The following C8orf89 variants were observed in gnomAD, a reference collection of about 807,000 sequenced individuals.
C8orf89 encodes the protein putative uncharacterized protein C8orf89.
C8orf89 carries 14 observed loss-of-function variants against 15.8 expected under a neutral mutation model. That is an observed-to-expected ratio of 0.89 (90% confidence interval 0.59 to 1.39). The LOEUF is 1.39. C8orf89 is among the 40% of genes most tolerant of loss of function. The probability of loss-of-function intolerance (pLI) is 0.00; values close to 1 mark genes in which losing one functional copy is unlikely to be tolerated. For synonymous variants in C8orf89, 55 were observed against 62.2 expected, an observed-to-expected ratio of 0.88 and a Z score of 0.54; for missense variants, 181 against 184.5, an observed-to-expected ratio of 0.98 and a Z score of 0.11.
intron 3 of C8orf89, among the ~76,000 whole-genome samples, chr8:73,247,802 T>A (rs1228195836): frequency 6.6e-6 from 1 of 152,216 alleles, no homozygotes; most frequent in Non-Finnish European, 1.5e-5. Context: ...ATTTTTTTCT[T>A]GTAAATTGTT....
upstream of C8orf89, among the ~76,000 whole-genome samples, chr8:73,260,269 G>C (rs1044677584): frequency 1.3e-5 from 2 of 151,814 alleles, no homozygotes; most frequent in Non-Finnish European, 2.9e-5. Context: ...CTCTGATCTC[G>C]GCAAACTATC....
At chr8:73,253,603 T>A (rs1282296927) in intron 2 of C8orf89, among the ~76,000 whole-genome samples, 2 of 151,726 alleles carry the variant, frequency 1.3e-5, no homozygotes, top group Non-Finnish European at 2.9e-5. Flanking sequence ...GTATCCTCTT[T>A]TATTTCCTTG....
chr8:73,259,261 G>T (rs1439239701), intron 1 of C8orf89, 71 bp downstream of exon 1: 1 of 1,055,184 alleles, frequency 9.5e-7, no homozygotes, highest in East Asian at 2.9e-5. Context: ...CTTGCCTGAT[G>T]AAAAAAATAC....
chr8:73,263,696 T>C (rs1399698786), upstream of C8orf89, among the ~76,000 whole-genome samples: 3 of 152,216 alleles, frequency 2.0e-5, no homozygotes, highest in South Asian at 6.2e-4. Flanking sequence ...GATGTAATAC[T>C]GAACCCAAGG....
chr8:73,263,962 T>A (rs775000181), upstream of C8orf89, among the ~76,000 whole-genome samples: 1 of 152,204 alleles, frequency 6.6e-6, no homozygotes, highest in Non-Finnish European at 1.5e-5. Flanking sequence ...CATCACTTTG[T>A]CATATTTGTG....
At chr8:73,265,584 G>A in the C8orf89 span, among the ~76,000 whole-genome samples, 1 of 152,190 alleles carries the variant, frequency 6.6e-6, no homozygotes, top group African/African-American at 2.4e-5. Context: ...TGACACAGAG[G>A]TATCAAAAGA....
chr8:73,241,902 C>T (rs1322383979), intron 3 of C8orf89, among the ~76,000 whole-genome samples: 4 of 151,820 alleles, frequency 2.6e-5, no homozygotes, highest in Non-Finnish European at 5.9e-5. Flanking sequence ...ATAAATGGTG[C>T]TGGGAAAACT....
intron 3 of C8orf89, among the ~76,000 whole-genome samples, chr8:73,247,737 T>C (rs1471774520): frequency 6.6e-6 from 1 of 152,206 alleles, no homozygotes; most frequent in Admixed American, 6.5e-5. Flanking sequence ...GCTGCATGTA[T>C]GTCTTCTTTT....
the C8orf89 span, among the ~76,000 whole-genome samples, chr8:73,280,237 T>G: frequency 1.3e-5 from 2 of 152,214 alleles, no homozygotes; most frequent in African/African-American, 2.4e-5. Flanking sequence ...TAGCCACATT[T>G]CCATAAATTA....
intron 2 of C8orf89, among the ~76,000 whole-genome samples, chr8:73,250,967 T>TA (rs201900280): frequency 1.3e-4 from 19 of 146,972 alleles, no homozygotes; most frequent in South Asian, 4.3e-4. Flanking sequence ...CAAGGCTAAT[T>TA]AAAAAAAAAA....
In C8orf89 at chr8:73,259,322, AT is replaced by A; in HGVS notation, c.127+9del. The A allele has an allele frequency of 1.4e-6, 2 of 1,472,384 alleles. No individual in the cohort carries two copies. Among genetic ancestry groups the A allele is most frequent in the Non-Finnish European group, 1.8e-6 (2 of 1,100,838 alleles). 91.2% of individuals were successfully genotyped at this position (1,472,384 alleles called of 1,614,324 possible). The stretch of plus-strand genomic sequence containing the variant: ...TGTTTTCTTAAGGAAAATAATAACA[AT>A]AAAGTTACCTTTCTTAATCTTTTGT... On this transcript the variant is annotated intron_variant, in intron 1 of 3. Transcript: ENST00000624510.
Position 73,241,500 on chromosome 8 carries a change from G to C in C8orf89, c.443C>G (p.Thr148Arg), listed in dbSNP as rs1281330770. The part of the protein sequence containing the change: ...EYDTIRQETT[T>R]KSKKSKKRDL... The stretch of plus-strand genomic sequence containing the variant: ...TCGTTTCTTGCTTTTTTTTGATTTT[G>C]TGGTTGTTTCCTGACGAATGGTATC... The change falls in exon 4 of 4, where the codon ACA becomes AGA. Residue 148 changes from threonine (T) to arginine (R), a missense_variant. Thr to Arg is a moderately conservative substitution (Grantham distance 71). Transcript: ENST00000624510. The C allele has an allele frequency of 6.5e-7, 1 of 1,528,502 alleles. No homozygotes were observed. Among genetic ancestry groups the C allele is most frequent in the East Asian group, 2.5e-5 (1 of 40,762 alleles). 94.7% of individuals were successfully genotyped at this position (1,528,502 alleles called of 1,614,324 possible). A position where few individuals can be genotyped will look rare whatever the true frequency, so the allele number is the denominator to read the frequency against.
chr8:73,264,559 C>G, the C8orf89 span, among the ~76,000 whole-genome samples: 1 of 152,154 alleles, frequency 6.6e-6, no homozygotes, highest in African/African-American at 2.4e-5. Context: ...GGCGCGATCT[C>G]GGCTCACTAC....
intron 3 of C8orf89, among the ~76,000 whole-genome samples, chr8:73,245,301 AAAC>A (rs1465114868): frequency 6.6e-6 from 1 of 152,254 alleles, no homozygotes; most frequent in African/African-American, 2.4e-5. Context: ...ATCAGTCAAA[AAAC>A]AAATCATAAT....
the C8orf89 span, among the ~76,000 whole-genome samples, chr8:73,280,441 G>C: frequency 6.6e-6 from 1 of 152,138 alleles, no homozygotes; most frequent in African/African-American, 2.4e-5. Context: ...CACGATCTCA[G>C]CTCACTGCAA....
At chr8:73,260,593 G>C (rs1351224890), upstream of C8orf89, among the ~76,000 whole-genome samples, 1 of 152,176 alleles carries the variant, frequency 6.6e-6, no homozygotes, top group Non-Finnish European at 1.5e-5. Flanking sequence ...ATGATGGGGG[G>C]CAAAAAATAA....
At chr8:73,262,480 T>C (rs1223287298), upstream of C8orf89, among the ~76,000 whole-genome samples, 2 of 152,088 alleles carry the variant, frequency 1.3e-5, no homozygotes, top group African/African-American at 4.8e-5. Context: ...TCCTTATGCT[T>C]TTGTGTGTAT....
chr8:73,284,178 G>C, the C8orf89 span, among the ~76,000 whole-genome samples: 6 of 144,726 alleles, frequency 4.1e-5, no homozygotes, highest in Non-Finnish European at 9.1e-5. Flanking sequence ...GCAGACCTAA[G>C]TAAACTGATA....
At chr8:73,254,007 G>T (rs1307276499) in intron 2 of C8orf89, among the ~76,000 whole-genome samples, 3 of 151,810 alleles carry the variant, frequency 2.0e-5, no homozygotes, top group South Asian at 2.1e-4. Flanking sequence ...CCCTGTCTTG[G>T]GCCAGTTTTC....
Sources: allele counts gnomAD v4.1 joint callset (sites outside exome capture counted in the v4.1 genomes callset), GRCh38; gene constraint gnomAD v4.1.1; transcripts MANE v1.5; gene names NCBI Gene and HGNC (gene_info 2026-07-23, HGNC 2026-07-21).